TRAF6: variants seen among roughly 807,000 people sequenced by gnomAD.
TRAF6 encodes the protein TNF receptor associated factor 6.
A neutral mutation model predicts 48.4 loss-of-function variants in TRAF6; 10 were observed. The ratio of observed to expected loss-of-function variants is 0.21; its 90% confidence interval spans 0.13 to 0.35. The LOEUF (loss-of-function observed/expected upper bound fraction) is 0.35, where lower values mean the gene tolerates loss of function less well. Ranked by LOEUF, TRAF6 falls within the 10% of genes least tolerant of loss-of-function variation. The pLI is 1.00. For synonymous variants in TRAF6, 186 were observed against 219.6 expected, an observed-to-expected ratio of 0.85 and a Z score of 1.35; for missense variants, 397 against 661.0, an observed-to-expected ratio of 0.60 and a Z score of 4.38.
At chr11:36,503,295 G>C (rs1216594963) in intron 1 of TRAF6, among the ~76,000 whole-genome samples, 1 of 139,390 alleles carries the variant, frequency 7.2e-6, no homozygotes, top group Non-Finnish European at 1.6e-5. Context: ...GTTTACTTAA[G>C]TTTTTTTTTT....
intron 4 of TRAF6, among the ~76,000 whole-genome samples, chr11:36,496,825 G>C (rs1369283088): frequency 1.3e-5 from 2 of 152,128 alleles, no homozygotes; most frequent in East Asian, 3.9e-4. Flanking sequence ...CAGGAAAGCT[G>C]ATCGGCATAT....
intron 1 of TRAF6, among the ~76,000 whole-genome samples, chr11:36,505,835 A>G (rs1049357824): frequency 6.6e-6 from 1 of 152,044 alleles, no homozygotes; most frequent in Non-Finnish European, 1.5e-5. Flanking sequence ...GTCTCAGGGG[A>G]GTAGGGAGGC....
At chr11:36,504,064 C>T (rs1859753994) in intron 1 of TRAF6, among the ~76,000 whole-genome samples, 1 of 152,176 alleles carries the variant, frequency 6.6e-6, no homozygotes, top group African/African-American at 2.4e-5. Context: ...TAGCGATCAT[C>T]TGAGCCTTCA....
At chr11:36,504,916 G>A (rs1214085246) in intron 1 of TRAF6, among the ~76,000 whole-genome samples, 1 of 152,146 alleles carries the variant, frequency 6.6e-6, no homozygotes, top group Non-Finnish European at 1.5e-5. Context: ...CATTGTTAAT[G>A]AGCAGTAATA....
At chr11:36,502,264 T>C (rs1406186124) in intron 1 of TRAF6, among the ~76,000 whole-genome samples, 2 of 152,252 alleles carry the variant, frequency 1.3e-5, no homozygotes, top group Non-Finnish European at 1.5e-5. Context: ...TTTTATGTCC[T>C]TCTGCCTTCA....
rs1859463227 is a variant in TRAF6, at chr11:36,485,173, G to A, written c.*4665C>T. ...ACTATACAAGTCTTTCAACATTTCTGCATGTTTGGGAAATTTCATCAAGTG... is the reference window on the plus strand; with the variant it reads ...ACTATACAAGTCTTTCAACATTTCTACATGTTTGGGAAATTTCATCAAGTG... On this transcript the variant is annotated 3_prime_UTR_variant, in exon 7 of 7. Transcript: ENST00000526995. 6.6e-6 allele frequency among the ~76,000 whole-genome samples: 1 copy of A among 152,054 alleles called. No homozygotes were observed. Among genetic ancestry groups the A allele is most frequent in the African/African-American group, 2.4e-5 (1 of 41,338 alleles).
chr11:36,490,758 CA>C lies in TRAF6; in HGVS notation c.757-109del. On this transcript the variant is annotated intron_variant, in intron 6 of 6. Transcript: ENST00000526995. The surrounding 1 kb of genome is among the most constrained non-coding windows in gnomAD (Gnocchi z 6.4). ...TTTCAAGTAGTCACACCACTTCCCT[CA>C]ATTCTCTACAATTTTCCTTTGCCTT... The C allele has an allele frequency of 1.1e-6, 1 of 923,916 alleles. No homozygotes were observed. Among genetic ancestry groups the C allele is most frequent in the Non-Finnish European group, 1.6e-6 (1 of 625,648 alleles). 57.2% of individuals were successfully genotyped at this position (923,916 alleles called of 1,614,324 possible).
In TRAF6 at chr11:36,484,068, G is replaced by A. The variant is rs1202314102; in HGVS notation, c.*5770C>T. On this transcript the variant is annotated 3_prime_UTR_variant, in exon 7 of 7. Coordinates refer to ENST00000526995, the MANE Select transcript of TRAF6 (RefSeq NM_004620.4). ...ACACTTCTCTACTTACTAAAATGGA[G>A]TCCTTCAATCTTAAGTCAGCCCAGC... Among the ~76,000 whole-genome samples the A allele has an allele frequency of 2.6e-5, 4 of 152,122 alleles. No homozygotes were observed. Among genetic ancestry groups the A allele is most frequent in the Non-Finnish European group, 1.5e-5 (1 of 68,042 alleles).
At chr11:36,499,755 T>G (rs1476923668) in intron 2 of TRAF6, among the ~76,000 whole-genome samples, 6 of 151,528 alleles carry the variant, frequency 4.0e-5, no homozygotes, top group Admixed American at 3.3e-4. Flanking sequence ...TAGTTACTCT[T>G]AAATTCAAGT....
At chr11:36,506,254 T>C (rs1859783051) in intron 1 of TRAF6, among the ~76,000 whole-genome samples, 1 of 152,150 alleles carries the variant, frequency 6.6e-6, no homozygotes, top group Non-Finnish European at 1.5e-5. Flanking sequence ...AGAGGTAGAA[T>C]TGTTGGATCA....
chr11:36,502,993 G>C (rs1380476654), intron 1 of TRAF6, among the ~76,000 whole-genome samples: 1 of 152,166 alleles, frequency 6.6e-6, no homozygotes, highest in Non-Finnish European at 1.5e-5. Flanking sequence ...TATCAAAGTG[G>C]TAACTATGGA....
At chr11:36,504,573 T>A (rs1859760888) in intron 1 of TRAF6, among the ~76,000 whole-genome samples, 1 of 152,196 alleles carries the variant, frequency 6.6e-6, no homozygotes, top group Admixed American at 6.5e-5. Context: ...CTCCTCAAAG[T>A]CATCCATGAG....
intron 1 of TRAF6, among the ~76,000 whole-genome samples, chr11:36,508,872 A>C (rs1000187526): frequency 1.3e-5 from 2 of 152,216 alleles, no homozygotes; most frequent in Non-Finnish European, 2.9e-5. Flanking sequence ...CTCCAAATCT[A>C]AGTGTCCAAA....
intron 5 of TRAF6, among the ~76,000 whole-genome samples, chr11:36,493,138 C>G (rs1241773479): frequency 2.0e-5 from 3 of 152,132 alleles, no homozygotes; most frequent in Non-Finnish European, 2.9e-5. Flanking sequence ...TGGGGAGACT[C>G]AGATGTTAGA....
At position 36,484,718 on chromosome 11, in the gene TRAF6, T is replaced by C. The variant is rs959250814; in HGVS notation, c.*5120A>G. Among the ~76,000 whole-genome samples the C allele has an allele frequency of 6.6e-6, 1 of 152,200 alleles. No homozygotes were observed. Among genetic ancestry groups the C allele is most frequent in the African/African-American group, 2.4e-5 (1 of 41,434 alleles). On this transcript the variant is annotated 3_prime_UTR_variant, in exon 7 of 7. Transcript: ENST00000526995. ...CTATATGCTAAATTACACCTTTTCATCCCTCTGAGAACATAATTCTGGAAG... is the reference window on the plus strand; with the variant it reads ...CTATATGCTAAATTACACCTTTTCACCCCTCTGAGAACATAATTCTGGAAG...
Position 36,496,779 on chromosome 11 carries a change from T to TAAC in TRAF6, c.606+328_606+329insGTT, listed in dbSNP as rs1285630756. ...TAGATCTTATCTTAATCTACTTGTTTGTCTCCAATCCAAAATTGGTTATTA... is the reference window on the plus strand; with the variant it reads ...TAGATCTTATCTTAATCTACTTGTTTAACGTCTCCAATCCAAAATTGGTTATTA... On this transcript the variant is annotated intron_variant, in intron 4 of 6. Transcript: ENST00000526995. Among the ~76,000 whole-genome samples the TAAC allele has an allele frequency of 3.0e-4, 44 of 147,014 alleles. No homozygotes were observed. The East Asian group carries it at 5.0e-3, about 17-fold the overall frequency.
chr11:36,506,420 A>AT (rs369610405), intron 1 of TRAF6, among the ~76,000 whole-genome samples: 73 of 149,616 alleles, frequency 4.9e-4, no homozygotes, highest in East Asian at 2.3e-3. Context: ...GTCTTGAACC[A>AT]TTTTTTTTTT....
rs1053956910 is a variant in TRAF6 at position 36,510,157 on chromosome 11, G to A, written c.-132C>T. The A allele has an allele frequency of 6.6e-6, 1 of 152,380 alleles. No individual in the cohort carries two copies. The highest frequency in any genetic ancestry group is 2.4e-5 in the African/African-American group (1 of 41,466). 9.4% of individuals were successfully genotyped at this position (152,380 alleles called of 1,614,324 possible). ...AGGACGGACACAGACACTGCGCGCC[G>A]AGACGAGGCTGCTTGGACGGCAAAC... On this transcript the variant is annotated 5_prime_UTR_variant, in exon 1 of 7. Coordinates refer to ENST00000526995, the MANE Select transcript of TRAF6 (RefSeq NM_004620.4).
At chr11:36,496,212 A>G (rs1180177151) in intron 4 of TRAF6, 1 of 152,202 alleles carries the variant, frequency 6.6e-6, no homozygotes, top group Non-Finnish European at 1.5e-5. Context: ...TACTTAATCT[A>G]TCTCAGTTTC....
Sources: allele counts gnomAD v4.1 joint callset (sites outside exome capture counted in the v4.1 genomes callset), GRCh38; gene constraint gnomAD v4.1.1; non-coding constraint Gnocchi (gnomAD v3.1); transcripts MANE v1.5; gene names NCBI Gene and HGNC (gene_info 2026-07-23, HGNC 2026-07-21).